GLDC: variants seen among roughly 807,000 people sequenced by gnomAD.
GLDC encodes glycine decarboxylase, also known as glycine dehydrogenase (decarboxylating), mitochondrial.
A neutral mutation model predicts 121.3 loss-of-function variants in GLDC; 104 were observed. The observed-to-expected ratio is 0.86, with a 90% confidence interval of 0.73 to 1.01. The LOEUF is 1.01. Among genes scored for constraint, GLDC ranks in the 50% least tolerant of loss-of-function variants. The pLI, the probability that GLDC is intolerant of heterozygous loss-of-function variation, is 0.00. For missense variants in GLDC, 1,429 were observed against 1,306.6 expected (o/e 1.09, Z -1.44); for synonymous variants, 546 against 480.6 (o/e 1.14, Z -1.78).
intron 4 of GLDC, among the ~76,000 whole-genome samples, chr9:6,607,192 CTA>C (rs1818752834): frequency 6.6e-6 from 1 of 152,158 alleles, no homozygotes; most frequent in Non-Finnish European, 1.5e-5. Flanking sequence ...GGTTCAATTT[CTA>C]TGTTTACTCA....
intron 15 of GLDC, among the ~76,000 whole-genome samples, chr9:6,583,996 T>C (rs987020848): frequency 1.4e-4 from 21 of 152,354 alleles, no homozygotes; most frequent in African/African-American, 4.8e-4. Context: ...CTCTGAACTG[T>C]ACACTTAAAA....
chr9:6,572,856 G>C (rs1817992133), intron 15 of GLDC, among the ~76,000 whole-genome samples: 1 of 152,172 alleles, frequency 6.6e-6, no homozygotes. Context: ...GCAAACAGGA[G>C]CCCTTAGGTG....
intron 2 of GLDC, among the ~76,000 whole-genome samples, chr9:6,642,629 T>C (rs1028532494): frequency 6.6e-6 from 1 of 152,228 alleles, no homozygotes; most frequent in African/African-American, 2.4e-5. Context: ...AATCCCTTAA[T>C]GTTCAAATTA....
chr9:6,555,362 T>C (rs533264063), intron 18 of GLDC, among the ~76,000 whole-genome samples: 133 of 152,258 alleles, frequency 8.7e-4, no homozygotes, highest in African/African-American at 2.8e-3. Flanking sequence ...TTAGGACTAA[T>C]TTTGATGGTG....
chr9:6,588,967 C>G (rs1241686065), intron 12 of GLDC, among the ~76,000 whole-genome samples: 3 of 152,128 alleles, frequency 2.0e-5, no homozygotes, highest in Non-Finnish European at 2.9e-5. Flanking sequence ...TTCAGCCTGG[C>G]AATTATTCAT....
intron 4 of GLDC, among the ~76,000 whole-genome samples, chr9:6,609,398 G>T (rs148718208): frequency 6.6e-6 from 1 of 152,194 alleles, no homozygotes; most frequent in East Asian, 1.9e-4. Context: ...GGAGATAATA[G>T]AAGTCCTACT....
At chr9:6,581,990 G>C (rs1237785109) in intron 15 of GLDC, among the ~76,000 whole-genome samples, 1 of 149,250 alleles carries the variant, frequency 6.7e-6, no homozygotes, top group African/African-American at 2.5e-5. Flanking sequence ...TGAGGCAGGA[G>C]GATCACCTGA....
In GLDC at chr9:6,644,674, C is replaced by G; in HGVS notation, c.274G>C (p.Glu92Gln). ...CGGATGTTGGCAGGGACCGTCTTCT[C>G]GATCAATTCATCAATGCTCTAAAAT... ...LGLASIDELI[E>Q]KTVPANIRLK... is the part of the protein sequence containing the mutation. Residue 92 changes from glutamate to glutamine, a missense_variant, in exon 2 of 25, where the codon GAG (glutamate) becomes CAG (glutamine). By Grantham distance (29) the Glu-to-Gln change is conservative (BLOSUM62 2). Coordinates refer to ENST00000321612, the MANE Select transcript of GLDC (RefSeq NM_000170.3). The G allele has an allele frequency of 6.2e-7, 1 of 1,612,664 alleles. No homozygotes were observed. The highest frequency in any genetic ancestry group is 1.1e-5 in the South Asian group (1 of 91,066).
intron 15 of GLDC, among the ~76,000 whole-genome samples, chr9:6,570,040 G>A (rs1817927412): frequency 6.6e-6 from 1 of 152,170 alleles, no homozygotes; most frequent in Admixed American, 6.5e-5. Flanking sequence ...TTTCTCAGAT[G>A]GTGACTGCTT....
intron 15 of GLDC, among the ~76,000 whole-genome samples, chr9:6,585,599 C>T (rs1418842081): frequency 6.6e-6 from 1 of 152,046 alleles, no homozygotes; most frequent in East Asian, 1.9e-4. Context: ...AAGTAAATGG[C>T]TTTGCTGTGT....
chr9:6,624,014 G>T (rs899448826), intron 2 of GLDC, among the ~76,000 whole-genome samples: 1 of 152,216 alleles, frequency 6.6e-6, no homozygotes, highest in African/African-American at 2.4e-5. Flanking sequence ...TCTGTGAAGG[G>T]CTCTGTCTGT....
chr9:6,570,567 T>A (rs1817939538), intron 15 of GLDC, among the ~76,000 whole-genome samples: 1 of 152,164 alleles, frequency 6.6e-6, no homozygotes, highest in Non-Finnish European at 1.5e-5. Context: ...CTTAAGAAGT[T>A]TCTTGACCAG....
At chr9:6,602,338 A>G (rs1032558105) in intron 7 of GLDC, 133 bp from the exon 8 acceptor site, 11 of 699,184 alleles carry the variant, frequency 1.6e-5, no homozygotes, top group Non-Finnish European at 2.9e-5. Context: ...TTTATAAAGA[A>G]ACAATTTCTA....
chr9:6,616,249 A>C (rs73639331), intron 3 of GLDC, among the ~76,000 whole-genome samples: 21,729 of 152,210 alleles, frequency 0.14, 1,632 homozygotes, highest in South Asian at 0.28. Context: ...ACATATTTCC[A>C]CTTAAAAACT....
intron 2 of GLDC, among the ~76,000 whole-genome samples, chr9:6,635,799 G>A (rs72695586): frequency 0.17 from 25,940 of 152,042 alleles, 2,406 homozygotes; most frequent in South Asian, 0.28. Flanking sequence ...TGCCTGAGCC[G>A]GAGAGGTCGA....
chr9:6,626,899 T>C (rs1261040886), intron 2 of GLDC, among the ~76,000 whole-genome samples: 1 of 152,290 alleles, frequency 6.6e-6, no homozygotes, highest in East Asian at 1.9e-4. Context: ...AGGAACCCAC[T>C]GGCCCAATTC....
intron 15 of GLDC, among the ~76,000 whole-genome samples, chr9:6,582,004 C>T (rs1587942221): frequency 6.6e-6 from 1 of 151,532 alleles, no homozygotes; most frequent in Admixed American, 6.6e-5. Context: ...CACCTGAGAT[C>T]AGGAGTTTGA....
rs369767254 is a variant in GLDC, at chr9:6,536,199, C to A, written c.2703G>T (p.Gly901=). 1 of 1,613,970 alleles carries A rather than the reference C, an allele frequency of 6.2e-7. No homozygotes were observed. The highest frequency in any genetic ancestry group is 1.3e-5 in the African/African-American group (1 of 74,932). Residue 901 remains glycine, a synonymous_variant, in exon 23 of 25, where the codon GGG becomes GGT. Transcript: ENST00000321612. ...HAPTMSWPVA[G]TLMVEPTESE... ...ACTCAGTGGGCTCCACCATGAGGGT[C>A]CCTGCCACAGGCCAGGACATGGTAG...
chr9:6,542,527 T>G (rs777872518), intron 21 of GLDC, among the ~76,000 whole-genome samples: 3 of 151,840 alleles, frequency 2.0e-5, no homozygotes, highest in Non-Finnish European at 4.4e-5. Flanking sequence ...CGTGAGCCAC[T>G]GCGCCCAGGC....
Sources: allele counts gnomAD v4.1 joint callset (sites outside exome capture counted in the v4.1 genomes callset), GRCh38; gene constraint gnomAD v4.1.1; transcripts MANE v1.5; gene names NCBI Gene and HGNC (gene_info 2026-07-23, HGNC 2026-07-21).